EYS: variants seen among roughly 807,000 people sequenced by gnomAD.
The protein encoded by EYS is protein eyes shut homolog.
A neutral mutation model predicts 282.1 loss-of-function variants in EYS; 250 were observed. The observed-to-expected ratio is 0.89, with a 90% CI of 0.80 to 0.98. The LOEUF (loss-of-function observed/expected upper bound fraction) is 0.98. EYS is among the 50% of genes least tolerant of loss of function. The pLI is 0.00. For synonymous variants in EYS, 1,355 were observed against 1,282.9 expected, an observed-to-expected ratio of 1.06 and a Z score of -1.20; for missense variants, 4,016 against 3,709.0, an observed-to-expected ratio of 1.08 and a Z score of -2.15.
At chr6:64,532,458 C>G (rs1764378251) in intron 26 of EYS, among the ~76,000 whole-genome samples, 1 of 152,106 alleles carries the variant, frequency 6.6e-6, no homozygotes, top group South Asian at 2.1e-4. Context: ...GCCTGTAATC[C>G]CAGCACTTTG....
chr6:65,186,981 G>A (rs1765531378), intron 12 of EYS, among the ~76,000 whole-genome samples: 4 of 151,680 alleles, frequency 2.6e-5, no homozygotes, highest in South Asian at 4.1e-4. Context: ...AAGTAACAGC[G>A]TTCACTATTA....
At chr6:63,968,730 C>G (rs1766419143) in intron 35 of EYS, among the ~76,000 whole-genome samples, 1 of 152,182 alleles carries the variant, frequency 6.6e-6, no homozygotes, top group Admixed American at 6.5e-5. Flanking sequence ...CACTCTTCCT[C>G]TCAGTAAAAA....
At chr6:65,148,978 C>T (rs758932399) in intron 12 of EYS, among the ~76,000 whole-genome samples, 3 of 152,020 alleles carry the variant, frequency 2.0e-5, no homozygotes, top group South Asian at 2.1e-4. Flanking sequence ...TGAGGCTGCA[C>T]GGAGTGGGGA....
At chr6:64,634,320 G>T (rs1266237026) in intron 22 of EYS, among the ~76,000 whole-genome samples, 1 of 152,156 alleles carries the variant, frequency 6.6e-6, no homozygotes, top group Non-Finnish European at 1.5e-5. Context: ...TTTGAGGGTA[G>T]ATTGTTATAT....
rs1295771985 is a variant in EYS, at chr6:65,149,989, GA to G, written c.2024-92263del. On this transcript the variant is annotated intron_variant, in intron 12 of 42. Transcript: ENST00000503581. The stretch of plus-strand genomic sequence containing the variant: ...GCAGGAGAGAGAAGTGCCAGCAGGG[GA>G]AATGCCAGATGTTTACAAAACCATC... Among the ~76,000 whole-genome samples the G allele has an allele frequency of 5.9e-5, 9 of 152,182 alleles. No homozygotes were observed. The East Asian group carries it at 1.8e-3, about 30-fold the overall frequency.
chr6:63,889,700 G>T (rs781146696), intron 35 of EYS, among the ~76,000 whole-genome samples: 6 of 152,108 alleles, frequency 3.9e-5, no homozygotes, highest in Non-Finnish European at 7.4e-5. Context: ...ACACTATGAA[G>T]AAACTGCATC....
At chr6:65,341,306 C>T (rs1238076363) in intron 10 of EYS, among the ~76,000 whole-genome samples, 1 of 151,146 alleles carries the variant, frequency 6.6e-6, no homozygotes, top group South Asian at 2.1e-4. Context: ...TGTACAAATG[C>T]TTGCTGACAT....
At chr6:64,391,718 T>G (rs1773155629) in intron 28 of EYS, among the ~76,000 whole-genome samples, 1 of 151,976 alleles carries the variant, frequency 6.6e-6, no homozygotes, top group Non-Finnish European at 1.5e-5. Context: ...CTGCATCAAC[T>G]AACGAGCAAA....
intron 30 of EYS, among the ~76,000 whole-genome samples, chr6:64,305,108 T>C (rs1308680294): frequency 6.6e-6 from 1 of 152,202 alleles, no homozygotes; most frequent in Non-Finnish European, 1.5e-5. Flanking sequence ...TAACTGAACT[T>C]AGTTGATGAT....
chr6:63,842,530 G>A (rs1022602694), intron 36 of EYS, among the ~76,000 whole-genome samples: 4 of 152,140 alleles, frequency 2.6e-5, no homozygotes, highest in Non-Finnish European at 4.4e-5. Context: ...TGGATAGGTT[G>A]TAAAAATTTT....
At chr6:64,158,378 C>A (rs1274995452) in intron 31 of EYS, among the ~76,000 whole-genome samples, 1 of 151,866 alleles carries the variant, frequency 6.6e-6, no homozygotes, top group Non-Finnish European at 1.5e-5. Context: ...TTTGATTAAG[C>A]AAACTAATAT....
At position 65,344,020 on chromosome 6, in the gene EYS, T is replaced by C. The variant is rs766483614; in HGVS notation, c.1599+18A>G. On this transcript the variant is annotated intron_variant, in intron 10 of 42. Coordinates refer to ENST00000503581, the MANE Select transcript of EYS (RefSeq NM_001142800.2). Reference sequence around the variant, plus strand: ...GCTAAAGAGAAAAATGAAAAGCAACTACATAAAATTACCTTACCTCTTTTG... The same window carrying C: ...GCTAAAGAGAAAAATGAAAAGCAACCACATAAAATTACCTTACCTCTTTTG... 19 of 1,602,680 alleles carry C rather than the reference T, an allele frequency of 1.2e-5. No individual in the cohort carries two copies. In the African/African-American group the frequency reaches 2.3e-4, roughly 19 times the overall value.
chr6:65,089,728 A>G (rs1004396222), intron 12 of EYS, among the ~76,000 whole-genome samples: 4 of 151,864 alleles, frequency 2.6e-5, no homozygotes, highest in Non-Finnish European at 4.4e-5. Context: ...CCAAGGCGGG[A>G]GAATCACTTG....
intron 31 of EYS, among the ~76,000 whole-genome samples, chr6:64,202,779 ATGAGGAAGGGTGATG>A (rs1416988092): frequency 6.6e-6 from 1 of 152,154 alleles, no homozygotes; most frequent in Non-Finnish European, 1.5e-5. Context: ...GAAAGGATAT[ATGAGGAAGGGTGATG>A]TGAAGATGAA....
At position 64,187,389 on chromosome 6, in the gene EYS, A is replaced by G. The variant is rs532345121; in HGVS notation, c.6424+43203T>C. On this transcript the variant is annotated intron_variant, in intron 31 of 42. Transcript: ENST00000503581. The stretch of plus-strand genomic sequence containing the variant: ...TCTTAAGTTACTATGCCAAAATTAA[A>G]TTGTATCTATTCTAGAGAAATCATG... 2.0e-5 allele frequency among the ~76,000 whole-genome samples: 3 copies of G among 152,270 alleles called. No individual in the cohort carries two copies. In the East Asian group the frequency reaches 5.8e-4, roughly 29 times the overall value.
chr6:65,689,068 T>C lies in EYS; in HGVS notation c.-448+18067A>G, dbSNP rs543502543. On this transcript the variant is annotated intron_variant, in intron 1 of 42. Transcript: ENST00000503581. ...TAAATCTTGCTGCTATAAAGACACA[T>C]GTGCATGTATGTTTATTGTGGCACT... Among the ~76,000 whole-genome samples the C allele has an allele frequency of 1.9e-3, 282 of 150,460 alleles. 16 individuals carry two copies. Among genetic ancestry groups the C allele is most frequent in the Middle Eastern group, 6.8e-3 (2 of 292 alleles).
chr6:64,167,069 G>C (rs540616071), intron 31 of EYS, among the ~76,000 whole-genome samples: 1 of 152,118 alleles, frequency 6.6e-6, no homozygotes, highest in African/African-American at 2.4e-5. Context: ...CCTGCTGGCT[G>C]GTCCAAAATA....
intron 15 of EYS, among the ~76,000 whole-genome samples, chr6:64,927,454 A>G (rs1373230866): frequency 3.9e-5 from 6 of 152,206 alleles, no homozygotes; most frequent in Non-Finnish European, 8.8e-5. Flanking sequence ...TACGTGATCA[A>G]TTCTATAGAC....
At chr6:64,491,644 T>G (rs1278157433) in intron 26 of EYS, among the ~76,000 whole-genome samples, 1 of 150,988 alleles carries the variant, frequency 6.6e-6, no homozygotes, top group Non-Finnish European at 1.5e-5. Flanking sequence ...ATAAGTACCA[T>G]TATCCTCTCT....
Sources: allele counts gnomAD v4.1 joint callset (sites outside exome capture counted in the v4.1 genomes callset), GRCh38; gene constraint gnomAD v4.1.1; transcripts MANE v1.5; gene names NCBI Gene and HGNC (gene_info 2026-07-23, HGNC 2026-07-21).